The following C3 variants were observed in gnomAD, a reference collection of about 807,000 sequenced individuals.
The protein encoded by C3 is complement C3, also known as C3 and PZP-like alpha-2-macroglobulin domain-containing protein 1.
A neutral mutation model predicts 207.9 loss-of-function variants in C3; 97 were observed. That is an observed-to-expected ratio of 0.47 (90% confidence interval 0.40 to 0.55). The LOEUF (loss-of-function observed/expected upper bound fraction) is 0.55, where lower values mean the gene tolerates loss of function less well. Among genes scored for constraint, C3 ranks in the 20% least tolerant of loss-of-function variants. C3 has a pLI of 0.00. For missense variants in C3, 1,684 were observed against 2,171.7 expected, an observed-to-expected ratio of 0.78 and a Z score of 4.46; for synonymous variants, 848 against 857.6, an observed-to-expected ratio of 0.99 and a Z score of 0.20.
At chr19:6,702,340 C>G in intron 18 of C3, 128 bp from the exon 19 acceptor site, 4 of 952,378 alleles carry the variant, frequency 4.2e-6, no homozygotes, top group South Asian at 3.9e-5. Context: ...GTAGGTCACC[C>G]AATTCCTGAT....
intron 14 of C3, 65 bp downstream of exon 14, chr19:6,709,619 A>ACCCCCCCCCCCCCCCCCCC: frequency 4.6e-6 from 2 of 432,316 alleles, no homozygotes; most frequent in Non-Finnish European, 8.0e-6. Flanking sequence ...AGTCCCACCC[A>ACCCCCCCCCCCCCCCCCCC]CCTCCCCCAG....
chr19:6,695,904 T>A (rs1967521374), intron 23 of C3, among the ~76,000 whole-genome samples: 1 of 151,956 alleles, frequency 6.6e-6, no homozygotes. Context: ...GCAAATAATA[T>A]CTGTATGGTT....
At chr19:6,700,231 A>G (rs1250538336) in intron 19 of C3, among the ~76,000 whole-genome samples, 1 of 138,206 alleles carries the variant, frequency 7.2e-6, no homozygotes, top group Admixed American at 7.7e-5. Flanking sequence ...TATATTATAT[A>G]TGTAATATAC....
At chr19:6,681,621 A>G (rs1917862750) in intron 35 of C3, among the ~76,000 whole-genome samples, 1 of 152,114 alleles carries the variant, frequency 6.6e-6, no homozygotes, top group Non-Finnish European at 1.5e-5. Context: ...TTAGGGAACG[A>G]GGCAAGACCT....
chr19:6,694,362 T>A, intron 24 of C3, 69 bp downstream of exon 24: 1 of 1,405,822 alleles, frequency 7.1e-7, no homozygotes, highest in Non-Finnish European at 1.0e-6. Context: ...TGAGATGAGG[T>A]GGGATCTTAG....
Position 6,713,519 on chromosome 19 carries a change from A to C in C3, c.774-10T>G. ...CTTCCCGTAGAGGAACCTACGGGAC[A>C]GACAAGGAGGGCTTCAGGTCCATCC... On this transcript the variant is annotated splice_polypyrimidine_tract_variant and intron_variant, in intron 7 of 40. Transcript: ENST00000245907. The C allele has an allele frequency of 6.2e-7, 1 of 1,600,006 alleles. No individual in the cohort carries two copies. The highest frequency in any genetic ancestry group is 8.6e-7 in the Non-Finnish European group (1 of 1,167,570).
At chr19:6,689,737 T>G (rs1020853964) in intron 27 of C3, among the ~76,000 whole-genome samples, 4 of 152,084 alleles carry the variant, frequency 2.6e-5, no homozygotes, top group Non-Finnish European at 4.4e-5. Flanking sequence ...ATCCCAGCAC[T>G]TTGGGAGGCC....
chr19:6,701,592 C>A (rs1445550406), intron 19 of C3, among the ~76,000 whole-genome samples: 1 of 152,208 alleles, frequency 6.6e-6, no homozygotes, highest in Non-Finnish European at 1.5e-5. Flanking sequence ...ACAATCTCAG[C>A]TCACCGCAAC....
At chr19:6,706,605 T>G (rs913487261) in intron 17 of C3, among the ~76,000 whole-genome samples, 2 of 151,210 alleles carry the variant, frequency 1.3e-5, no homozygotes, top group African/African-American at 4.9e-5. Context: ...AGAGGCCTCC[T>G]CCTACCCTCT....
chr19:6,688,467 A>C (rs527470142), intron 27 of C3, among the ~76,000 whole-genome samples: 1 of 152,118 alleles, frequency 6.6e-6, no homozygotes, highest in African/African-American at 2.4e-5. Flanking sequence ...TTTAATGACC[A>C]GCTTGAAAAA....
At chr19:6,687,246 A>G (rs1599501714) in intron 27 of C3, among the ~76,000 whole-genome samples, 1 of 152,256 alleles carries the variant, frequency 6.6e-6, no homozygotes, top group Admixed American at 6.5e-5. Context: ...CACGGTGTCA[A>G]TGCGACATCA....
chr19:6,689,349 C>A (rs1304372221), intron 27 of C3, among the ~76,000 whole-genome samples: 13 of 66,574 alleles, frequency 2.0e-4, no homozygotes, highest in African/African-American at 7.9e-4. Flanking sequence ...CCCTCCCTCC[C>A]TCCCTCCCTC....
At chr19:6,678,852 C>T (rs1264579129) in intron 38 of C3, among the ~76,000 whole-genome samples, 2 of 152,268 alleles carry the variant, frequency 1.3e-5, no homozygotes, top group East Asian at 3.9e-4. Flanking sequence ...CACAGCCTCA[C>T]ACAACCACAG....
At chr19:6,707,345 C>A in intron 16 of C3, 72 bp from the exon 17 acceptor site, 4 of 1,599,316 alleles carry the variant, frequency 2.5e-6, no homozygotes, top group Non-Finnish European at 3.4e-6. Context: ...GCGGGACGGA[C>A]CCCAGGGAGG....
intron 33 of C3, chr19:6,683,009 T>G (rs917356039): frequency 1.3e-5 from 2 of 152,572 alleles, no homozygotes; most frequent in Admixed American, 6.5e-5. Context: ...ATTTGAGAGA[T>G]AGGTAGTGTA....
rs1967912845 is a variant in C3, at chr19:6,711,051, T to C, written c.1415A>G (p.Asn472Ser). The stretch of plus-strand genomic sequence containing the variant: ...GTCCATTCGCAGGAGGAAGTTGACG[T>C]TGAGGGTCTCCCCGGGTCTGAGCTC... ...RTELRPGETLNVNFLLRMDRA... is the reference protein window; with the variant it reads ...RTELRPGETLSVNFLLRMDRA... Residue 472 changes from asparagine to serine, a missense_variant, in exon 12 of 41, where the codon AAC becomes AGC. Physicochemically the swap from Asn to Ser is conservative, Grantham distance 46. Coordinates refer to ENST00000245907, the MANE Select transcript of C3 (RefSeq NM_000064.4). The C allele has an allele frequency of 6.2e-7, 1 of 1,614,020 alleles. No homozygotes were observed. Among genetic ancestry groups the C allele is most frequent in the Non-Finnish European group, 8.5e-7 (1 of 1,180,022 alleles).
At chr19:6,688,147 T>C (rs1222999748) in intron 27 of C3, among the ~76,000 whole-genome samples, 1 of 151,594 alleles carries the variant, frequency 6.6e-6, no homozygotes, top group African/African-American at 2.4e-5. Flanking sequence ...CCTGGCCTTT[T>C]TTTTGAGACG....
intron 13 of C3, among the ~76,000 whole-genome samples, chr19:6,710,064 GGAGA>G (rs1967873544): frequency 7.8e-6 from 1 of 128,296 alleles, no homozygotes; most frequent in African/African-American, 3.1e-5. Flanking sequence ...GGAGAGAGAC[GGAGA>G]GACAGGGAGA....
At chr19:6,708,950 G>C (rs2145424873) in intron 14 of C3, among the ~76,000 whole-genome samples, 1 of 152,096 alleles carries the variant, frequency 6.6e-6, no homozygotes, top group African/African-American at 2.4e-5. Flanking sequence ...ACCTCCCAAA[G>C]TGCTGGGATT....
Sources: gnomAD v4.1 joint callset for allele counts (sites outside exome capture counted in the v4.1 genomes callset) on GRCh38, gnomAD v4.1.1 for gene constraint, MANE v1.5 for transcripts, NCBI Gene and HGNC (gene_info 2026-07-23, HGNC 2026-07-21) for gene names.